Variants in CD4 observed in about 807,000 individuals in gnomAD.
CD4 encodes T-cell surface glycoprotein CD4.
In CD4, 25 loss-of-function variants were observed where a neutral mutation model predicts 50.5. That is an observed-to-expected ratio of 0.49 (90% CI 0.36 to 0.69). CD4 has a LOEUF of 0.69. Ranked by LOEUF, CD4 falls within the 30% of genes least tolerant of loss-of-function variation. The pLI is 0.00. For missense variants in CD4, 456 were observed against 548.5 expected, an observed-to-expected ratio of 0.83 and a Z score of 1.68; for synonymous variants, 207 against 221.9, an observed-to-expected ratio of 0.93 and a Z score of 0.60.
In CD4 at chr12:6,816,727, TGAA is replaced by T. The variant is rs1943092288; in HGVS notation, c.955+325_955+327del. Among the ~76,000 whole-genome samples, 3 of 152,328 alleles carry T rather than the reference TGAA, an allele frequency of 2.0e-5. No individual in the cohort carries two copies. The highest frequency in any genetic ancestry group is 6.5e-5 in the Admixed American group (1 of 15,310). ...TTCCTGACCTGTCTAATAAGGATAA[TGAA>T]ATCTGCTCTCTGTGTGATAGTAATG... On this transcript the variant is annotated intron_variant, in intron 6 of 9. Coordinates refer to ENST00000011653, the MANE Select transcript of CD4 (RefSeq NM_000616.5). This position sits in a 1 kb window ranked among gnomAD's most constrained non-coding sequence, Gnocchi z 4.9.
chr12:6,811,422 C>T (rs1332218146), intron 3 of CD4, among the ~76,000 whole-genome samples: 4 of 151,782 alleles, frequency 2.6e-5, no homozygotes, highest in Non-Finnish European at 5.9e-5. Flanking sequence ...GATAGCATTG[C>T]ATAGCGAAAT....
chr12:6,809,857 C>T (rs1218087946), intron 3 of CD4, among the ~76,000 whole-genome samples: 1 of 151,444 alleles, frequency 6.6e-6, no homozygotes, highest in African/African-American at 2.4e-5. Flanking sequence ...AATGTCCTTG[C>T]TGCTCCCCGT....
chr12:6,817,694 A>G lies in CD4; in HGVS notation c.1156+364A>G, dbSNP rs781885539. ...CACACATACACTCTCACACACATGC[A>G]CACACTCCCATACACTCTCACACAC... On this transcript the variant is annotated intron_variant, in intron 7 of 9. Transcript: ENST00000011653. Among the ~76,000 whole-genome samples the G allele has an allele frequency of 3.3e-5, 5 of 151,770 alleles. No homozygotes were observed. The South Asian group carries it at 6.2e-4, about 19-fold the overall frequency.
chr12:6,815,482 G>A (rs1301346918), intron 5 of CD4, among the ~76,000 whole-genome samples: 2 of 152,188 alleles, frequency 1.3e-5, no homozygotes, highest in Non-Finnish European at 2.9e-5. Context: ...ACTTAAGGTA[G>A]ACATAAGGTA....
At chr12:6,795,212 T>A (rs1041568411) in intron 1 of CD4, among the ~76,000 whole-genome samples, 1 of 152,188 alleles carries the variant, frequency 6.6e-6, no homozygotes, top group Admixed American at 6.5e-5. Flanking sequence ...TGTATGTTTA[T>A]CTAATCTATT....
intron 3 of CD4, among the ~76,000 whole-genome samples, chr12:6,801,508 C>G (rs1942545983): frequency 9.0e-6 from 1 of 111,706 alleles, no homozygotes; most frequent in Admixed American, 1.0e-4. Flanking sequence ...CAGAGCAAGA[C>G]TTCATCTCAA....
chr12:6,815,714 G>A lies in CD4; in HGVS notation c.608-342G>A, dbSNP rs782725027. ...CAGAGTAAGCCCTAGTTAAGTGTTC[G>A]CTGTTATTTTGTGAAGGGTGATGAA... On this transcript the variant is annotated intron_variant, in intron 5 of 9. Transcript: ENST00000011653. The A allele has an allele frequency of 6.5e-5, 86 of 1,328,484 alleles. 3 individuals are homozygous for A. The South Asian group carries it at 7.6e-4, about 12-fold the overall frequency. 82.3% of individuals were successfully genotyped at this position (1,328,484 alleles called of 1,614,324 possible).
At chr12:6,800,896 GA>G (rs201610908) in intron 3 of CD4, among the ~76,000 whole-genome samples, 2 of 148,384 alleles carry the variant, frequency 1.3e-5, no homozygotes, top group African/African-American at 5.1e-5. Flanking sequence ...CTGTCTCTAT[GA>G]AAAAAAATAT....
rs749708593 is a variant in CD4, at chr12:6,792,129, G to T, written c.-68+2467G>T. 3.9e-5 allele frequency among the ~76,000 whole-genome samples: 6 copies of T among 152,162 alleles called. No individual in the cohort carries two copies. Among genetic ancestry groups the T allele is most frequent in the Non-Finnish European group, 7.4e-5 (5 of 68,024 alleles). ...AGGAAGCTAGTCAGCAGTAGAGAGG[G>T]TGAACGCGGTGGGGCACATCCCGCG... is the stretch of plus-strand genomic sequence containing the variant. On this transcript the variant is annotated intron_variant, in intron 1 of 9. Coordinates refer to ENST00000011653, the MANE Select transcript of CD4 (RefSeq NM_000616.5). This position sits in a 1 kb window ranked among gnomAD's most constrained non-coding sequence, Gnocchi z 4.1.
chr12:6,814,580 AAAG>A (rs1943035795), intron 4 of CD4, 176 bp from the exon 5 acceptor site: 2 of 702,988 alleles, frequency 2.8e-6, no homozygotes, highest in Non-Finnish European at 5.1e-6. Flanking sequence ...GGAGAGGAGG[AAAG>A]AAGAGAGAGA....
rs187053629 is a variant in CD4, at chr12:6,807,412, C to A, written c.215-6730C>A. ...AAAGGATGAATCATAGTACACACCA[C>A]AACCTGGATGAATCTCCAGGGAATT... On this transcript the variant is annotated intron_variant, in intron 3 of 9. Transcript: ENST00000011653. Among the ~76,000 whole-genome samples, 473 of 152,310 alleles carry A rather than the reference C, an allele frequency of 3.1e-3. 3 individuals are homozygous for A. The highest frequency in any genetic ancestry group is 0.011 in the African/African-American group (455 of 41,562).
chr12:6,812,371 AAAAC>A (rs1367593300), intron 3 of CD4, among the ~76,000 whole-genome samples: 3 of 152,106 alleles, frequency 2.0e-5, no homozygotes, highest in South Asian at 2.1e-4. Context: ...CGACTCCATA[AAAAC>A]AAACAAACAA....
chr12:6,813,199 C>G lies in CD4; in HGVS notation c.215-943C>G, dbSNP rs184688319. On this transcript the variant is annotated intron_variant, in intron 3 of 9. Coordinates refer to ENST00000011653, the MANE Select transcript of CD4 (RefSeq NM_000616.5). ...AAGTGATTCTCCCACCTCAGCCTCC[C>G]AAGGCGGCTAATTAAAAAAAATTTT... 2.6e-4 allele frequency among the ~76,000 whole-genome samples: 40 copies of G among 151,370 alleles called. No homozygotes were observed. In the East Asian group the frequency reaches 6.8e-3, roughly 26 times the overall value.
rs1943024497 is a variant in CD4 at position 6,814,244 on chromosome 12, C to T, written c.317C>T (p.Thr106Ile). ...IKNLKIEDSD[T>I]YICEVEDQKE... ...AATCTTAAGATAGAAGACTCAGATA[C>T]TTACATCTGTGAAGTGGAGGACCAG... Residue 106 changes from threonine (T) to isoleucine (I), a missense_variant, in exon 4 of 10, where the codon ACT becomes ATT. Transcript: ENST00000011653. 1 of 1,614,070 alleles carries T rather than the reference C, an allele frequency of 6.2e-7. No individual in the cohort carries two copies. Among genetic ancestry groups the T allele is most frequent in the Non-Finnish European group, 8.5e-7 (1 of 1,179,934 alleles).
chr12:6,817,850 CAT>C (rs782736351), intron 7 of CD4, among the ~76,000 whole-genome samples: 78 of 145,348 alleles, frequency 5.4e-4, no homozygotes, highest in East Asian at 4.4e-3. Flanking sequence ...CATACACACA[CAT>C]GTACTCACAC....
At chr12:6,804,156 T>A (rs1268165999) in intron 3 of CD4, among the ~76,000 whole-genome samples, 1 of 131,912 alleles carries the variant, frequency 7.6e-6, no homozygotes, top group African/African-American at 3.0e-5. Flanking sequence ...ATAAATAAAA[T>A]AAAAAGCACA....
chr12:6,798,316 C>G (rs1942434707), intron 1 of CD4, among the ~76,000 whole-genome samples: 1 of 133,602 alleles, frequency 7.5e-6, no homozygotes, highest in South Asian at 2.2e-4. Context: ...ACTACAGGCG[C>G]CCGCCACCAC....
intron 5 of CD4, 120 bp downstream of exon 5, chr12:6,815,112 A>G (rs781853897): frequency 1.0e-4 from 73 of 716,874 alleles, no homozygotes; most frequent in Middle Eastern, 3.7e-4. Context: ...GGAGAAGACT[A>G]GGTCCCCTAG....
At chr12:6,803,498 T>C (rs1319744324) in intron 3 of CD4, among the ~76,000 whole-genome samples, 1 of 144,490 alleles carries the variant, frequency 6.9e-6, no homozygotes, top group Non-Finnish European at 1.5e-5. Flanking sequence ...AAGAATTGCT[T>C]GTGGGGCCGG....
Sources: gnomAD v4.1 joint callset for allele counts (sites outside exome capture counted in the v4.1 genomes callset) on GRCh38, gnomAD v4.1.1 for gene constraint, Gnocchi (gnomAD v3.1) non-coding constraint, MANE v1.5 for transcripts, NCBI Gene and HGNC (gene_info 2026-07-23, HGNC 2026-07-21) for gene names.